Variants in UGT1A9 observed in about 807,000 individuals in gnomAD.
UGT1A9 encodes the protein UDP glucuronosyltransferase family 1 member A9.
UGT1A9 carries 35 observed loss-of-function variants against 45.0 expected under a neutral mutation model. The ratio of observed to expected loss-of-function variants is 0.78; its 90% CI spans 0.59 to 1.03. The LOEUF is 1.03. Ranked by LOEUF, UGT1A9 falls within the 50% of genes least tolerant of loss-of-function variation. The pLI, the probability that UGT1A9 is intolerant of heterozygous loss-of-function variation, is 0.00. For synonymous variants in UGT1A9, 278 were observed against 250.6 expected, an observed-to-expected ratio of 1.11 and a Z score of -1.03; for missense variants, 687 against 666.6, an observed-to-expected ratio of 1.03 and a Z score of -0.34.
chr2:233,742,226 C>T (rs1013770254), intron 1 of UGT1A9, among the ~76,000 whole-genome samples: 6 of 151,818 alleles, frequency 4.0e-5, no homozygotes, highest in Admixed American at 6.5e-5. Flanking sequence ...GGCTGAGAGC[C>T]CCAAACAGAG....
chr2:233,733,971 G>A (rs927832512), intron 1 of UGT1A9, among the ~76,000 whole-genome samples: 7 of 152,028 alleles, frequency 4.6e-5, no homozygotes, highest in African/African-American at 7.3e-5. Flanking sequence ...TAGGGGGAGC[G>A]GGGAGGGATA....
In UGT1A9 at chr2:233,739,739, C is replaced by T. The variant is rs186719753; in HGVS notation, c.856-27295C>T. 9.1e-3 allele frequency among the ~76,000 whole-genome samples: 1,388 copies of T among 152,094 alleles called. 31 individuals carry two copies. Among genetic ancestry groups the T allele is most frequent in the African/African-American group, 0.032 (1,304 of 41,394 alleles). ...GGACTTGACTTGTCTCAGATGAGAC[C>T]TTGGACTATGGACTTTTGAGCTAGT... On this transcript the variant is annotated intron_variant, in intron 1 of 4. Coordinates refer to ENST00000354728, the MANE Select transcript of UGT1A9 (RefSeq NM_021027.3).
intron 1 of UGT1A9, among the ~76,000 whole-genome samples, chr2:233,731,747 G>A (rs1273441220): frequency 1.3e-5 from 2 of 152,080 alleles, no homozygotes; most frequent in Non-Finnish European, 2.9e-5. Flanking sequence ...ATAAACATAC[G>A]TGTGCATGTG....
chr2:233,770,451 C>T (rs565936223), intron 4 of UGT1A9: 5 of 152,088 alleles, frequency 3.3e-5, no homozygotes, highest in Admixed American at 1.3e-4. Flanking sequence ...GTTAGGAGTT[C>T]GAAACCAACC....
At chr2:233,725,167 G>A (rs112233788) in intron 1 of UGT1A9, among the ~76,000 whole-genome samples, 4,177 of 75,252 alleles carry the variant, frequency 0.056, 411 homozygotes, top group African/African-American at 0.13. Flanking sequence ...TGCATGAGAG[G>A]GAGACCGTGG....
At chr2:233,754,193 TA>T (rs1341563622) in intron 1 of UGT1A9, 2 of 162,294 alleles carry the variant, frequency 1.2e-5, no homozygotes, top group African/African-American at 4.8e-5. Context: ...CACCACACAG[TA>T]AAACATTGAA....
chr2:233,731,982 T>C (rs936253936), intron 1 of UGT1A9, among the ~76,000 whole-genome samples: 5 of 152,356 alleles, frequency 3.3e-5, no homozygotes, highest in Admixed American at 2.0e-4. Context: ...CCATTCTAAC[T>C]GGCGTGAGAT....
chr2:233,754,621 C>T (rs773983465), intron 1 of UGT1A9: 4 of 441,750 alleles, frequency 9.1e-6, no homozygotes, highest in South Asian at 6.4e-5. Flanking sequence ...TCTTCCTCCA[C>T]TTCCACCCTT....
intron 1 of UGT1A9, chr2:233,693,590 T>C (rs1559346509): frequency 6.2e-7 from 1 of 1,614,248 alleles, no homozygotes; most frequent in Non-Finnish European, 8.5e-7. Context: ...TCCCAGGTGC[T>C]ACACAAAGTT....
At chr2:233,699,399 G>T (rs1351749107) in intron 1 of UGT1A9, among the ~76,000 whole-genome samples, 2 of 152,200 alleles carry the variant, frequency 1.3e-5, no homozygotes, top group Non-Finnish European at 2.9e-5. Context: ...TTTTAGAAGA[G>T]AATTTAGCTT....
Position 233,672,096 on chromosome 2 carries a change from G to C in UGT1A9, c.162G>C (p.Glu54Asp), listed in dbSNP as rs774353218. Residue 54 changes from glutamate (E) to aspartate (D), a missense_variant, in exon 1 of 5, where the codon GAG (glutamate) becomes GAC (aspartate). Coordinates refer to ENST00000354728, the MANE Select transcript of UGT1A9 (RefSeq NM_021027.3). ...AGAAACTCATTCTCAGGGGGCATGAGGTGGTTGTAGTCATGCCAGAGGTGA... is the reference window on the plus strand; with the variant it reads ...AGAAACTCATTCTCAGGGGGCATGACGTGGTTGTAGTCATGCCAGAGGTGA... ...VVEKLILRGH[E>D]VVVVMPEVSW... The C allele has an allele frequency of 2.3e-5, 37 of 1,614,176 alleles. No individual in the cohort carries two copies. In the South Asian group the frequency reaches 4.0e-4, roughly 17 times the overall value.
intron 1 of UGT1A9, among the ~76,000 whole-genome samples, chr2:233,705,671 A>G (rs1206760677): frequency 6.6e-6 from 1 of 152,224 alleles, no homozygotes; most frequent in African/African-American, 2.4e-5. Context: ...TAGTTGTGAG[A>G]TAATATTCAC....
At chr2:233,753,409 C>A (rs1226930464) in intron 1 of UGT1A9, 1 of 152,194 alleles carries the variant, frequency 6.6e-6, no homozygotes, top group African/African-American at 2.4e-5. Flanking sequence ...CATATCCAAA[C>A]CCATTGTCAC....
At chr2:233,695,882 T>G (rs1280784991) in intron 1 of UGT1A9, among the ~76,000 whole-genome samples, 1 of 152,182 alleles carries the variant, frequency 6.6e-6, no homozygotes, top group Non-Finnish European at 1.5e-5. Flanking sequence ...GCAGAAAACT[T>G]CAGTGAACAA....
chr2:233,755,370 G>C, intron 1 of UGT1A9: 2 of 359,040 alleles, frequency 5.6e-6, no homozygotes, highest in South Asian at 4.4e-5. Context: ...GCCGCCTGGA[G>C]GGCCGCCCCT....
At chr2:233,677,156 T>G (rs1257953543) in intron 1 of UGT1A9, among the ~76,000 whole-genome samples, 1 of 152,240 alleles carries the variant, frequency 6.6e-6, no homozygotes, top group Non-Finnish European at 1.5e-5. Context: ...CTTAGCAATT[T>G]TGAGTTTTCC....
At chr2:233,729,415 A>G (rs914222718) in intron 1 of UGT1A9, 1 of 1,613,668 alleles carries the variant, frequency 6.2e-7, no homozygotes. Flanking sequence ...GCTGGGCCAC[A>G]CTCAACTGTA....
chr2:233,676,462 T>C (rs2074361743), intron 1 of UGT1A9, among the ~76,000 whole-genome samples: 1 of 152,212 alleles, frequency 6.6e-6, no homozygotes, highest in Non-Finnish European at 1.5e-5. Context: ...CCATCACAAC[T>C]CATTCACCAA....
chr2:233,678,496 G>A (rs963192474), intron 1 of UGT1A9, among the ~76,000 whole-genome samples: 2 of 152,072 alleles, frequency 1.3e-5, no homozygotes, highest in Non-Finnish European at 2.9e-5. Flanking sequence ...GTAACCTTAT[G>A]GAAATACATC....
Sources: gnomAD v4.1 joint callset for allele counts (sites outside exome capture counted in the v4.1 genomes callset) on GRCh38, gnomAD v4.1.1 for gene constraint, MANE v1.5 for transcripts, NCBI Gene and HGNC (gene_info 2026-07-23, HGNC 2026-07-21) for gene names.